The following CD1A variants were observed in gnomAD, a reference collection of about 807,000 sequenced individuals.
CD1A encodes the protein T-cell surface glycoprotein CD1a.
A neutral mutation model predicts 38.3 loss-of-function variants in CD1A; 50 were observed. That is an observed-to-expected ratio of 1.30 (90% CI 1.04 to 1.65). The LOEUF is 1.65. Ranked by LOEUF, CD1A falls within the 40% of genes most tolerant of loss-of-function variation. The pLI is 0.00. For missense variants in CD1A, 459 were observed against 406.1 expected (o/e 1.13, Z -1.12); for synonymous variants, 160 against 150.8 (o/e 1.06, Z -0.45).
At chr1:158,252,094 G>T (rs908055117), upstream of CD1A, among the ~76,000 whole-genome samples, 2 of 151,476 alleles carry the variant, frequency 1.3e-5, no homozygotes, top group African/African-American at 4.9e-5. Context: ...CTCCCAAAGT[G>T]CTGAGATTAC....
chr1:158,257,585 C>A, intron 5 of CD1A, 74 bp downstream of exon 5: 2 of 1,565,822 alleles, frequency 1.3e-6, no homozygotes, highest in Non-Finnish European at 1.8e-6. Flanking sequence ...TTGTTTTTCT[C>A]TCCTCAGTTC....
upstream of CD1A, among the ~76,000 whole-genome samples, chr1:158,252,488 GTCTT>G (rs1650116009): frequency 6.6e-6 from 1 of 152,116 alleles, no homozygotes; most frequent in Non-Finnish European, 1.5e-5. Context: ...TGAGGAGTCT[GTCTT>G]TCTTTATATT....
chr1:158,254,386 G>A, upstream of CD1A: 2 of 1,274,750 alleles, frequency 1.6e-6, no homozygotes, highest in Non-Finnish European at 2.0e-6. Context: ...TGCCACATCA[G>A]ACTTGTTCCA....
chr1:158,257,393 C>T, intron 4 of CD1A, 28 bp from the exon 5 acceptor site: 1 of 1,542,782 alleles, frequency 6.5e-7, no homozygotes. Flanking sequence ...TGGATTATAA[C>T]ATCCTTGGTG....
chr1:158,254,512 G>T lies in CD1A; in HGVS notation c.-158G>T. 1 of 1,474,014 alleles carries T rather than the reference G, an allele frequency of 6.8e-7. No individual in the cohort carries two copies. Among genetic ancestry groups the T allele is most frequent in the Non-Finnish European group, 9.0e-7 (1 of 1,113,416 alleles). 91.3% of individuals were successfully genotyped at this position (1,474,014 alleles called of 1,614,324 possible). A position where few individuals can be genotyped will look rare whatever the true frequency, so the allele number is the denominator to read the frequency against. On this transcript the variant is annotated 5_prime_UTR_variant, in exon 1 of 6. Transcript: ENST00000289429. ...ATGAGAGACTGAGTAGGCATCTCAG[G>T]GTTTTTGAAGGAGTGGATTTTCTTT...
rs766582031 is a variant in CD1A at position 158,254,741 on chromosome 1, C to A, written c.58+14C>A. On this transcript the variant is annotated intron_variant, in intron 1 of 5. Transcript: ENST00000289429. ...GCAATGCAGACGGTAAGAACTCTGA[C>A]AACTGCCCAGTTGGGTGGTGGGTGA... 1.9e-6 allele frequency: 3 copies of A among 1,581,324 alleles called. No individual in the cohort carries two copies. The highest frequency in any genetic ancestry group is 2.6e-6 in the Non-Finnish European group (3 of 1,150,534).
chr1:158,257,189 C>G, intron 4 of CD1A, 125 bp downstream of exon 4: 1 of 1,281,304 alleles, frequency 7.8e-7, no homozygotes, highest in Non-Finnish European at 1.1e-6. Context: ...AATAGATAAT[C>G]TAAGAAATGG....
In CD1A at chr1:158,257,421, A is replaced by G. The variant is rs770732611; in HGVS notation, c.884A>G (p.Glu295Gly). 2 of 1,611,680 alleles carry G rather than the reference A, an allele frequency of 1.2e-6. No homozygotes were observed. Among genetic ancestry groups the G allele is most frequent in the South Asian group, 2.2e-5 (2 of 91,028 alleles). The change falls in exon 5 of 6, where the codon GAG (glutamate) becomes GGG (glycine). Residue 295 changes from glutamate to glycine, a missense_variant and splice_region_variant. Physicochemically the swap from Glu to Gly is moderately conservative, Grantham distance 98. Coordinates refer to ENST00000289429, the MANE Select transcript of CD1A (RefSeq NM_001763.3). The part of the protein sequence containing the change: ...LEGQDIVLYW[E>G]HHSSVGFIIL... Reference sequence around the variant, plus strand: ...CCTTGGTGTCTCCCCAAATTCACAGAGCATCACAGTTCCGTGGGCTTCATC... The same window carrying G: ...CCTTGGTGTCTCCCCAAATTCACAGGGCATCACAGTTCCGTGGGCTTCATC...
upstream of CD1A, among the ~76,000 whole-genome samples, chr1:158,251,937 A>T (rs1571114537): frequency 6.6e-6 from 1 of 151,424 alleles, no homozygotes; most frequent in African/African-American, 2.4e-5. Context: ...GCTCACTGCA[A>T]CCTCCGCCTC....
Position 158,256,898 on chromosome 1 carries a change from G to A in CD1A, c.717G>A (p.Arg239=), listed in dbSNP as rs1188160572. ...YPKPVWVMWM[R]GEQEQQGTQR... The stretch of plus-strand genomic sequence containing the variant: ...AGCCCGTGTGGGTGATGTGGATGCG[G>A]GGTGAGCAGGAGCAGCAGGGCACTC... The change falls in exon 4 of 6, where the codon CGG becomes CGA. Residue 239 remains arginine (R), a synonymous_variant. Transcript: ENST00000289429. 6.2e-7 allele frequency: 1 copy of A among 1,614,218 alleles called. No homozygotes were observed.
chr1:158,255,194 T>C lies in CD1A; in HGVS notation c.169T>C (p.Trp57Arg), dbSNP rs967100894. ...GWLSDLQTHTWDSNSSTIVFL... is the reference protein window; with the variant it reads ...GWLSDLQTHTRDSNSSTIVFL... ...GCTGAGTGATTTGCAGACTCATACC[T>C]GGGACAGCAATTCCAGCACCATCGT... Residue 57 changes from tryptophan to arginine, a missense_variant, in exon 2 of 6, where the codon TGG becomes CGG. Physicochemically the swap from Trp to Arg is moderately radical, Grantham distance 101. Transcript: ENST00000289429. The C allele has an allele frequency of 6.2e-7, 1 of 1,614,022 alleles. No homozygotes were observed. Among genetic ancestry groups the C allele is most frequent in the Non-Finnish European group, 8.5e-7 (1 of 1,180,028 alleles).
chr1:158,249,477 G>C (rs188443759), upstream of CD1A, among the ~76,000 whole-genome samples: 376 of 152,078 alleles, frequency 2.5e-3, no homozygotes, highest in Non-Finnish European at 4.2e-3. Flanking sequence ...ATTCATGAGG[G>C]CTCCAATCTC....
intron 1 of CD1A, 21 bp downstream of exon 1, chr1:158,254,748 C>T (rs1650184551): frequency 6.5e-7 from 1 of 1,541,970 alleles, no homozygotes; most frequent in South Asian, 1.1e-5. Context: ...TGACAACTGC[C>T]CAGTTGGGTG....
Position 158,255,212 on chromosome 1 carries a change from A to G in CD1A, c.187A>G (p.Thr63Ala). 1 of 1,614,144 alleles carries G rather than the reference A, an allele frequency of 6.2e-7. No individual in the cohort carries two copies. The highest frequency in any genetic ancestry group is 1.6e-4 in the Middle Eastern group (1 of 6,062). ...QTHTWDSNSSTIVFLCPWSRG... is the reference protein window; with the variant it reads ...QTHTWDSNSSAIVFLCPWSRG... ...TCATACCTGGGACAGCAATTCCAGC[A>G]CCATCGTTTTCCTGTGCCCCTGGTC... Residue 63 changes from threonine to alanine, a missense_variant, in exon 2 of 6, where the codon ACC becomes GCC. Physicochemically the swap from Thr to Ala is moderately conservative, Grantham distance 58. Coordinates refer to ENST00000289429, the MANE Select transcript of CD1A (RefSeq NM_001763.3).
upstream of CD1A, among the ~76,000 whole-genome samples, chr1:158,252,942 T>C (rs993127135): frequency 2.0e-5 from 3 of 150,502 alleles, no homozygotes; most frequent in Non-Finnish European, 4.4e-5. Context: ...ATAAAAAAAT[T>C]ATTTGCAGGC....
chr1:158,253,083 T>G (rs1036565972), upstream of CD1A, among the ~76,000 whole-genome samples: 42 of 151,924 alleles, frequency 2.8e-4, 1 homozygote, highest in Admixed American at 2.6e-4. Flanking sequence ...AGTAACAGAG[T>G]GAAACCCTGT....
upstream of CD1A, among the ~76,000 whole-genome samples, chr1:158,250,571 T>C (rs1650060573): frequency 1.3e-5 from 2 of 152,310 alleles, no homozygotes; most frequent in African/African-American, 2.4e-5. Flanking sequence ...CCTACAACTC[T>C]GGTTAGCTCA....
rs1650326355 is a variant in CD1A at position 158,258,224 on chromosome 1, C to A, written c.*534C>A. On this transcript the variant is annotated 3_prime_UTR_variant, in exon 6 of 6. Coordinates refer to ENST00000289429, the MANE Select transcript of CD1A (RefSeq NM_001763.3). The stretch of plus-strand genomic sequence containing the variant: ...CATCCCTGGTGAAGGATCTTGCCTG[C>A]ATGAAACATGTTCTCAATAAAACTC... The A allele has an allele frequency of 6.5e-6, 1 of 153,210 alleles. No homozygotes were observed. The allele number at this position is 153,210 out of a possible 1,614,324, so 9.5% of individuals were successfully genotyped here.
At position 158,256,973 on chromosome 1, in the gene CD1A, A is replaced by C; in HGVS notation, c.792A>C (p.Ala264=). ...CTGATGGGACATGGTATCTCCGCGC[A>C]ACCCTGGAGGTGGCCGCTGGGGAGG... ...PSADGTWYLR[A]TLEVAAGEAA... Residue 264 remains alanine (A), a synonymous_variant, in exon 4 of 6, where the codon GCA becomes GCC. Coordinates refer to ENST00000289429, the MANE Select transcript of CD1A (RefSeq NM_001763.3). 1 of 1,614,212 alleles carries C rather than the reference A, an allele frequency of 6.2e-7. No homozygotes were observed. Among genetic ancestry groups the C allele is most frequent in the Middle Eastern group, 1.6e-4 (1 of 6,062 alleles).
Sources: gnomAD v4.1 joint callset for allele counts (sites outside exome capture counted in the v4.1 genomes callset) on GRCh38, gnomAD v4.1.1 for gene constraint, MANE v1.5 for transcripts, NCBI Gene and HGNC (gene_info 2026-07-23, HGNC 2026-07-21) for gene names.